Variants in PCTP observed in about 807,000 individuals in gnomAD.
The protein encoded by PCTP is START domain-containing protein 2.
In PCTP, 27 loss-of-function variants were observed where a neutral mutation model predicts 31.0. The ratio of observed to expected loss-of-function variants is 0.87; its 90% confidence interval spans 0.64 to 1.20. PCTP has a LOEUF of 1.20. Among genes scored for constraint, PCTP ranks in the 50% most tolerant of loss-of-function variants. The pLI is 0.00. For missense variants in PCTP, 287 were observed against 268.2 expected, an observed-to-expected ratio of 1.07 and a Z score of -0.49; for synonymous variants, 108 against 101.2, an observed-to-expected ratio of 1.07 and a Z score of -0.40.
intron 1 of PCTP, among the ~76,000 whole-genome samples, chr17:55,758,354 C>T (rs1910157823): frequency 6.6e-6 from 1 of 152,122 alleles, no homozygotes; most frequent in African/African-American, 2.4e-5. Flanking sequence ...TCTCAAAGAC[C>T]AGCATGACTG....
intron 5 of PCTP, among the ~76,000 whole-genome samples, chr17:55,829,653 C>A (rs1905528175): frequency 6.6e-6 from 1 of 151,862 alleles, no homozygotes; most frequent in Non-Finnish European, 1.5e-5. Context: ...CTCTGAGCCT[C>A]AACTACTTCA....
At chr17:55,756,029 A>G (rs1259544031) in intron 1 of PCTP, among the ~76,000 whole-genome samples, 1 of 152,224 alleles carries the variant, frequency 6.6e-6, no homozygotes, top group Admixed American at 6.5e-5. Flanking sequence ...CAGGGCTGCC[A>G]TGGGTATTGT....
intron 5 of PCTP, 83 bp downstream of exon 5, chr17:55,774,942 C>A: frequency 7.2e-7 from 1 of 1,397,106 alleles, no homozygotes; most frequent in Non-Finnish European, 1.0e-6. Context: ...GGCTGTCAGG[C>A]TGAAGAGACA....
At chr17:55,815,890 A>G (rs1912899355) in intron 3 of PCTP, among the ~76,000 whole-genome samples, 1 of 152,170 alleles carries the variant, frequency 6.6e-6, no homozygotes, top group African/African-American at 2.4e-5. Context: ...AAGACCTCTC[A>G]TCTTTTGAAA....
chr17:55,799,395 CT>C (rs71137177), intron 3 of PCTP, among the ~76,000 whole-genome samples: 29,660 of 140,292 alleles, frequency 0.21, 3,325 homozygotes, highest in African/African-American at 0.34. Flanking sequence ...CTTTTTCTTT[CT>C]TTTTTTTTTT....
intron 3 of PCTP, among the ~76,000 whole-genome samples, chr17:55,792,908 C>T (rs150882860): frequency 6.6e-6 from 1 of 152,060 alleles, no homozygotes; most frequent in South Asian, 2.1e-4. Context: ...CTCTGATTTT[C>T]TCAATGGCTT....
chr17:55,834,180 T>G (rs1418752818), intron 5 of PCTP, among the ~76,000 whole-genome samples: 1 of 152,182 alleles, frequency 6.6e-6, no homozygotes, highest in Non-Finnish European at 1.5e-5. Flanking sequence ...TTGTTCTCTC[T>G]CTTTTAAAAA....
chr17:55,777,441 T>G (rs941392222), downstream of PCTP: 1 of 944,338 alleles, frequency 1.1e-6, no homozygotes, highest in African/African-American at 1.8e-5. Flanking sequence ...TAGATCTCCT[T>G]TATTTGCAAG....
chr17:55,837,509 T>C (rs1331378083), intron 5 of PCTP, among the ~76,000 whole-genome samples: 5 of 152,200 alleles, frequency 3.3e-5, no homozygotes, highest in African/African-American at 1.2e-4. Flanking sequence ...TCATCATCTT[T>C]TTCAATGCCC....
downstream of PCTP, among the ~76,000 whole-genome samples, chr17:55,778,153 A>G (rs1200870477): frequency 6.6e-6 from 1 of 151,490 alleles, no homozygotes; most frequent in African/African-American, 2.4e-5. Context: ...GACAGTCCTC[A>G]CGAGCTGAGG....
intron 3 of PCTP, among the ~76,000 whole-genome samples, chr17:55,800,786 T>G (rs1912349743): frequency 6.6e-6 from 1 of 152,212 alleles, no homozygotes. Flanking sequence ...TCTTTGAAGT[T>G]GGTGACCTTC....
chr17:55,797,464 G>A (rs1389217561), intron 3 of PCTP, among the ~76,000 whole-genome samples: 3 of 151,972 alleles, frequency 2.0e-5, no homozygotes, highest in South Asian at 2.1e-4. Flanking sequence ...AAAGATAAAT[G>A]TCTGGTAAAT....
chr17:55,847,998 C>T, the PCTP span, among the ~76,000 whole-genome samples: 2 of 152,134 alleles, frequency 1.3e-5, no homozygotes, highest in Admixed American at 1.3e-4. Context: ...TTTCAGCTTA[C>T]TGCAACCTCC....
At chr17:55,834,431 C>T (rs987476169) in intron 5 of PCTP, among the ~76,000 whole-genome samples, 1 of 152,080 alleles carries the variant, frequency 6.6e-6, no homozygotes, top group East Asian at 1.9e-4. Context: ...CCTCTCAGTC[C>T]ATGTGAGAAA....
downstream of PCTP, among the ~76,000 whole-genome samples, chr17:55,823,964 T>G (rs1905313248): frequency 6.6e-6 from 1 of 152,184 alleles, no homozygotes; most frequent in African/African-American, 2.4e-5. Flanking sequence ...ACTTGAGACT[T>G]AATGGCCCCA....
chr17:55,847,839 C>A, the PCTP span, among the ~76,000 whole-genome samples: 1 of 152,192 alleles, frequency 6.6e-6, no homozygotes, highest in African/African-American at 2.4e-5. Flanking sequence ...AAACAGAGGG[C>A]AATCTACTGT....
At chr17:55,850,360 C>T in the PCTP span, among the ~76,000 whole-genome samples, 2 of 152,088 alleles carry the variant, frequency 1.3e-5, no homozygotes, top group African/African-American at 4.8e-5. Flanking sequence ...TATTAAACTG[C>T]TTTTTGTATA....
chr17:55,753,058 A>G (rs950446938), intron 1 of PCTP, among the ~76,000 whole-genome samples: 1 of 152,074 alleles, frequency 6.6e-6, no homozygotes, highest in African/African-American at 2.4e-5. Flanking sequence ...GCCAGGCAAA[A>G]TTCTTTTATC....
intron 2 of PCTP, among the ~76,000 whole-genome samples, chr17:55,786,395 A>C (rs1357018843): frequency 2.0e-5 from 3 of 152,224 alleles, no homozygotes; most frequent in Non-Finnish European, 4.4e-5. Context: ...AAGATACCTA[A>C]TGTAAATGAT....
Sources: allele counts gnomAD v4.1 joint callset (sites outside exome capture counted in the v4.1 genomes callset), GRCh38; gene constraint gnomAD v4.1.1; transcripts MANE v1.5; gene names NCBI Gene and HGNC (gene_info 2026-07-23, HGNC 2026-07-21).